Variants in DPF3 observed in about 807,000 individuals in gnomAD.
DPF3 encodes the protein double PHD fingers 3.
Under a neutral mutation model 56.8 loss-of-function variants are expected in DPF3, and 18 were observed. That is an observed-to-expected ratio of 0.32 (90% CI 0.22 to 0.47). The LOEUF is 0.47. Among genes scored for constraint, DPF3 ranks in the 20% least tolerant of loss-of-function variants. The pLI is 1.00. For missense variants in DPF3, 403 were observed against 488.8 expected, an observed-to-expected ratio of 0.82 and a Z score of 1.65; for synonymous variants, 188 against 180.2, an observed-to-expected ratio of 1.04 and a Z score of -0.35.
At position 72,619,171 on chromosome 14, in the gene DPF3, C is replaced by A; in HGVS notation, c.*126G>T. The A allele has an allele frequency of 1.0e-6, 1 of 954,500 alleles. No homozygotes were observed. The highest frequency in any genetic ancestry group is 2.5e-5 in the Admixed American group (1 of 40,540). The allele number at this position is 954,500 out of a possible 1,614,324, so 59.1% of individuals were successfully genotyped here. A position where few individuals can be genotyped will look rare whatever the true frequency, so the allele number is the denominator to read the frequency against. ...CTCTTCGTTCCATGTGTCCCTGCCC[C>A]TCTGGGACTATTTCTTTTCCTTGCA... On this transcript the variant is annotated 3_prime_UTR_variant, in exon 11 of 11. Transcript: ENST00000556509.
rs534097210 is a variant in DPF3 at position 72,661,424 on chromosome 14, T to C, written c.871+12816A>G. ...ACTCAAGGACCTCTGCTGACCAGAATACCCAGCCTTAGACTATTCGTGTGT... is the reference window on the plus strand; with the variant it reads ...ACTCAAGGACCTCTGCTGACCAGAACACCCAGCCTTAGACTATTCGTGTGT... On this transcript the variant is annotated intron_variant, in intron 8 of 10. Coordinates refer to ENST00000556509, the MANE Select transcript of DPF3 (RefSeq NM_001280542.3). 1.1e-4 allele frequency: 106 copies of C among 985,298 alleles called. No homozygotes were observed. The South Asian group carries it at 2.1e-3, about 19-fold the overall frequency. The allele number at this position is 985,298 out of a possible 1,614,324, so 61.0% of individuals were successfully genotyped here. A position where few individuals can be genotyped will look rare whatever the true frequency, so the allele number is the denominator to read the frequency against.
intron 6 of DPF3, among the ~76,000 whole-genome samples, chr14:72,710,012 C>T (rs963971726): frequency 1.3e-5 from 2 of 152,220 alleles, no homozygotes; most frequent in Non-Finnish European, 2.9e-5. Context: ...TGCTTAGAGA[C>T]AAAATGTTCT....
chr14:72,758,323 C>A (rs1282217707), intron 2 of DPF3, among the ~76,000 whole-genome samples: 1 of 152,134 alleles, frequency 6.6e-6, no homozygotes, highest in Non-Finnish European at 1.5e-5. Context: ...AAGATAAGCC[C>A]TGTGATTGCC....
chr14:72,850,978 C>G (rs1884961976), intron 1 of DPF3, among the ~76,000 whole-genome samples: 1 of 152,202 alleles, frequency 6.6e-6, no homozygotes, highest in African/African-American at 2.4e-5. Flanking sequence ...TCTAAAGGGG[C>G]AGCAGCTGCT....
Position 72,771,746 on chromosome 14 carries a change from C to A in DPF3, c.180G>T (p.Arg60Ser), listed in dbSNP as rs774479741. Residue 60 changes from arginine (R) to serine (S), a missense_variant, in exon 2 of 11, where the codon AGG becomes AGT. Physicochemically the swap from Arg to Ser is moderately radical, Grantham distance 110. Around this residue, in one of 2 missense-constraint regions of DPF3, gnomAD observed 340 missense variants for 374.3 expected, o/e 0.91. Transcript: ENST00000556509. ...GGCGCAGCTCACCTGGGCCTCGGTG[C>A]CTCTTCTCCATCCAGATGTAGCAGT... is the stretch of plus-strand genomic sequence containing the variant. ...QNNCYIWMEK[R>S]HRGPGLAPGQ... 2 of 1,612,736 alleles carry A rather than the reference C, an allele frequency of 1.2e-6. No individual in the cohort carries two copies. The highest frequency in any genetic ancestry group is 1.7e-6 in the Non-Finnish European group (2 of 1,179,260).
intron 1 of DPF3, among the ~76,000 whole-genome samples, chr14:72,824,852 G>C (rs945250738): frequency 1.3e-5 from 2 of 150,928 alleles, no homozygotes; most frequent in African/African-American, 4.9e-5. Flanking sequence ...GATTACAGGC[G>C]TGAGCTACCA....
At chr14:72,880,952 G>A (rs562742771) in intron 1 of DPF3, among the ~76,000 whole-genome samples, 1 of 152,352 alleles carries the variant, frequency 6.6e-6, no homozygotes, top group South Asian at 2.1e-4. Flanking sequence ...GCAGCCTCCA[G>A]TAGAGAAGGC....
chr14:72,890,111 A>C (rs1218015286), intron 1 of DPF3, among the ~76,000 whole-genome samples: 1 of 152,206 alleles, frequency 6.6e-6, no homozygotes, highest in Non-Finnish European at 1.5e-5. Context: ...TTGATAATAC[A>C]AGAGTAAGTT....
chr14:72,830,891 C>A (rs769754873), intron 1 of DPF3, among the ~76,000 whole-genome samples: 2 of 152,200 alleles, frequency 1.3e-5, no homozygotes, highest in Non-Finnish European at 2.9e-5. Flanking sequence ...TTTCTCCAAT[C>A]CTGCTCATGG....
intron 8 of DPF3, among the ~76,000 whole-genome samples, chr14:72,637,154 G>A (rs1316354505): frequency 6.6e-6 from 1 of 152,138 alleles, no homozygotes; most frequent in African/African-American, 2.4e-5. Flanking sequence ...ACAGCCAAGG[G>A]CTCATGGCGC....
chr14:72,658,532 T>A (rs907894464), intron 8 of DPF3, among the ~76,000 whole-genome samples: 24 of 152,252 alleles, frequency 1.6e-4, no homozygotes, highest in African/African-American at 2.6e-4. Context: ...CTGAATTTTT[T>A]AAAAAATCTC....
At chr14:72,814,927 A>C (rs1292995668) in intron 1 of DPF3, among the ~76,000 whole-genome samples, 2 of 152,208 alleles carry the variant, frequency 1.3e-5, no homozygotes, top group African/African-American at 4.8e-5. Context: ...TTAAGCAAAA[A>C]TTTTCTTAAA....
intron 1 of DPF3, among the ~76,000 whole-genome samples, chr14:72,817,063 A>G (rs1484719902): frequency 6.6e-6 from 1 of 152,140 alleles, no homozygotes. Flanking sequence ...GCCAACCTAC[A>G]TGATGCAAAA....
At chr14:72,619,398 C>G (rs1884280585) in intron 10 of DPF3, 31 bp from the exon 11 acceptor site, 3 of 1,533,302 alleles carry the variant, frequency 2.0e-6, no homozygotes, top group Non-Finnish European at 1.7e-6. Context: ...TTAGTAGCAG[C>G]CCCTCTGCTA....
chr14:72,702,249 G>C (rs1404651531), intron 6 of DPF3, among the ~76,000 whole-genome samples: 1 of 152,104 alleles, frequency 6.6e-6, no homozygotes, highest in Non-Finnish European at 1.5e-5. Context: ...CGGCAAGAAG[G>C]AGGCACCAGC....
At chr14:72,744,628 C>A (rs1344832639) in intron 3 of DPF3, among the ~76,000 whole-genome samples, 1 of 152,024 alleles carries the variant, frequency 6.6e-6, no homozygotes, top group Non-Finnish European at 1.5e-5. Context: ...GAACGTGCAC[C>A]CCCCACTCTT....
At chr14:72,801,294 A>G (rs561413732) in intron 1 of DPF3, among the ~76,000 whole-genome samples, 1 of 152,232 alleles carries the variant, frequency 6.6e-6, no homozygotes, top group Non-Finnish European at 1.5e-5. Flanking sequence ...TGGTCTTGAA[A>G]CAAGGATGTG....
At chr14:72,880,342 G>A (rs1255859610) in intron 1 of DPF3, among the ~76,000 whole-genome samples, 1 of 152,114 alleles carries the variant, frequency 6.6e-6, no homozygotes, top group African/African-American at 2.4e-5. Flanking sequence ...CACTGCAATC[G>A]CCAGATCAGG....
intron 4 of DPF3, among the ~76,000 whole-genome samples, chr14:72,730,600 T>C (rs926949258): frequency 1.2e-4 from 18 of 152,060 alleles, no homozygotes; most frequent in Non-Finnish European, 2.5e-4. Context: ...CAACCAGCAA[T>C]GTATTATTCC....
Sources: allele counts gnomAD v4.1 joint callset (sites outside exome capture counted in the v4.1 genomes callset), GRCh38; gene constraint gnomAD v4.1.1; regional missense constraint gnomAD v4.1.1; transcripts MANE v1.5; gene names NCBI Gene and HGNC (gene_info 2026-07-23, HGNC 2026-07-21).